The following CDX1 variants were observed in gnomAD, a reference collection of about 807,000 sequenced individuals.
The protein encoded by CDX1 is caudal type homeobox 1.
A neutral mutation model predicts 16.9 loss-of-function variants in CDX1; 9 were observed. The observed-to-expected ratio is 0.53, with a 90% CI of 0.32 to 0.93. The LOEUF is 0.93. CDX1 is among the 40% of genes least tolerant of loss of function. The pLI is 0.04. For synonymous variants in CDX1, 179 were observed against 179.0 expected, an observed-to-expected ratio of 1.00 and a Z score of 0.00; for missense variants, 393 against 386.1, an observed-to-expected ratio of 1.02 and a Z score of -0.15.
At chr5:150,178,044 T>C (rs1029351944) in intron 1 of CDX1, among the ~76,000 whole-genome samples, 5 of 152,190 alleles carry the variant, frequency 3.3e-5, no homozygotes, top group African/African-American at 1.2e-4. Flanking sequence ...TGGAAAACTA[T>C]TCAAGTACCA....
chr5:150,170,338 C>T (rs901250587), intron 1 of CDX1, among the ~76,000 whole-genome samples: 2 of 152,256 alleles, frequency 1.3e-5, no homozygotes, highest in African/African-American at 4.8e-5. Context: ...TTCCAATCTA[C>T]TCACTTCCTT....
intron 1 of CDX1, among the ~76,000 whole-genome samples, chr5:150,178,985 G>A (rs1348523675): frequency 2.6e-5 from 4 of 151,984 alleles, no homozygotes. Flanking sequence ...GCTTGTACAC[G>A]TGTACATTGT....
chr5:150,171,628 G>A (rs1048421252), intron 1 of CDX1, among the ~76,000 whole-genome samples: 1 of 152,226 alleles, frequency 6.6e-6, no homozygotes, highest in African/African-American at 2.4e-5. Flanking sequence ...GAGCCACCGT[G>A]TCCGGCCTTT....
intron 1 of CDX1, among the ~76,000 whole-genome samples, chr5:150,172,439 A>G (rs1157100662): frequency 2.0e-5 from 3 of 152,118 alleles, no homozygotes; most frequent in African/African-American, 4.8e-5. Context: ...TACTCATTTT[A>G]TAGATCAGGA....
In CDX1 at chr5:150,183,564, G is replaced by C; in HGVS notation, c.682G>C (p.Ala228Pro). The C allele has an allele frequency of 6.2e-7, 1 of 1,611,970 alleles. No homozygotes were observed. The highest frequency in any genetic ancestry group is 2.2e-5 in the East Asian group (1 of 44,836). Residue 228 changes from alanine to proline, a missense_variant, in exon 3 of 3, where the codon GCC becomes CCC. Ala to Pro is a conservative substitution (Grantham distance 27, BLOSUM62 -1). Coordinates refer to ENST00000231656, the MANE Select transcript of CDX1 (RefSeq NM_001804.3). ...QQQQPPQPPM[A>P]HDITATPAGP... ...GCAACAGCCCCCACAGCCGCCGATG[G>C]CCCACGACATCACGGCCACCCCAGC...
chr5:150,182,234 G>A (rs1379078351), intron 1 of CDX1, among the ~76,000 whole-genome samples: 2 of 152,198 alleles, frequency 1.3e-5, no homozygotes, highest in Admixed American at 6.5e-5. Context: ...TTGCCTGCCC[G>A]ATATCCCCTC....
intron 1 of CDX1, among the ~76,000 whole-genome samples, chr5:150,171,690 C>A (rs1221591957): frequency 1.3e-5 from 2 of 152,188 alleles, no homozygotes; most frequent in African/African-American, 4.8e-5. Flanking sequence ...GCAATCAGAG[C>A]CTTCTTGAGA....
intron 1 of CDX1, among the ~76,000 whole-genome samples, chr5:150,170,174 T>A (rs1052818892): frequency 5.9e-5 from 9 of 152,222 alleles, no homozygotes; most frequent in African/African-American, 1.9e-4. Flanking sequence ...CCAGGAAAGC[T>A]CTTTCCCCTG....
chr5:150,182,893 C>A lies in CDX1; in HGVS notation c.571C>A (p.Leu191Met). 6.2e-7 allele frequency: 1 copy of A among 1,610,294 alleles called. No individual in the cohort carries two copies. ...IRRKSELAAN[L>M]GLTERQVKIW... Reference sequence around the variant, plus strand: ...GCGGAAATCAGAGCTGGCTGCCAATCTGGGGCTCACTGAACGGCAGGTGTG... The same window carrying A: ...GCGGAAATCAGAGCTGGCTGCCAATATGGGGCTCACTGAACGGCAGGTGTG... The change falls in exon 2 of 3, where the codon CTG (leucine) becomes ATG (methionine). Residue 191 changes from leucine to methionine, a missense_variant. By Grantham distance (15) the Leu-to-Met change is conservative. Transcript: ENST00000231656.
At chr5:150,180,154 G>A (rs1761623870) in intron 1 of CDX1, among the ~76,000 whole-genome samples, 1 of 152,260 alleles carries the variant, frequency 6.6e-6, no homozygotes, top group African/African-American at 2.4e-5. Flanking sequence ...CAATGGGTCT[G>A]TGGATTCAGA....
At chr5:150,171,398 C>T (rs1393926312) in intron 1 of CDX1, among the ~76,000 whole-genome samples, 2 of 152,220 alleles carry the variant, frequency 1.3e-5, no homozygotes, top group East Asian at 1.9e-4. Context: ...TACAGTGGTG[C>T]GATCTCGGCT....
chr5:150,176,150 A>AGCTGGC (rs1761566161), intron 1 of CDX1, among the ~76,000 whole-genome samples: 1 of 152,120 alleles, frequency 6.6e-6, no homozygotes, highest in Non-Finnish European at 1.5e-5. Context: ...TAGGCCCCTC[A>AGCTGGC]CCAGAAGTGC....
intron 1 of CDX1, among the ~76,000 whole-genome samples, chr5:150,177,326 A>C (rs1156941273): frequency 1.3e-5 from 2 of 152,264 alleles, no homozygotes; most frequent in Non-Finnish European, 2.9e-5. Context: ...GGTCATTTCT[A>C]GCAGACCGCC....
At chr5:150,168,343 C>G (rs1273514637) in intron 1 of CDX1, among the ~76,000 whole-genome samples, 1 of 152,234 alleles carries the variant, frequency 6.6e-6, no homozygotes, top group Admixed American at 6.5e-5. Context: ...CAGCTTGCCT[C>G]GGGGCAGATG....
At chr5:150,182,936 G>C in intron 2 of CDX1, 23 bp downstream of exon 2, 1 of 1,592,562 alleles carries the variant, frequency 6.3e-7, no homozygotes, top group South Asian at 1.2e-5. Flanking sequence ...TCCTATCTCA[G>C]CCATAGGAGC....
rs182203428 is a variant in CDX1, at chr5:150,181,682, C to T, written c.446-1086C>T. ...ATTTAAAATCACAGACCACCTCCTCCCTAAATTCCCAGTCCTCCTTCCCTG... is the reference window on the plus strand; with the variant it reads ...ATTTAAAATCACAGACCACCTCCTCTCTAAATTCCCAGTCCTCCTTCCCTG... On this transcript the variant is annotated intron_variant, in intron 1 of 2. Transcript: ENST00000231656. Among the ~76,000 whole-genome samples, 286 of 152,360 alleles carry T rather than the reference C, an allele frequency of 1.9e-3. 1 individual carries two copies. The highest frequency in any genetic ancestry group is 6.7e-3 in the African/African-American group (279 of 41,586).
intron 1 of CDX1, among the ~76,000 whole-genome samples, chr5:150,170,355 G>T (rs1331798585): frequency 2.6e-5 from 4 of 152,150 alleles, no homozygotes; most frequent in Non-Finnish European, 4.4e-5. Flanking sequence ...CCTTACACTT[G>T]TTTGTATGTT....
At position 150,183,577 on chromosome 5, in the gene CDX1, C is replaced by T. The variant is rs374797163; in HGVS notation, c.695C>T (p.Thr232Met). Reference protein sequence around the residue: ...PPQPPMAHDITATPAGPSLGG... With the variant: ...PPQPPMAHDIMATPAGPSLGG... ...CAGCCGCCGATGGCCCACGACATCA[C>T]GGCCACCCCAGCCGGGCCATCCCTG... Residue 232 changes from threonine to methionine, a missense_variant, in exon 3 of 3, where the codon ACG becomes ATG. Thr to Met is a moderately conservative substitution (Grantham distance 81). Transcript: ENST00000231656. 1.6e-5 allele frequency: 26 copies of T among 1,610,780 alleles called. No homozygotes were observed. The highest frequency in any genetic ancestry group is 3.3e-4 in the Middle Eastern group (2 of 6,066).
intron 1 of CDX1, among the ~76,000 whole-genome samples, chr5:150,180,381 T>C (rs973795934): frequency 6.6e-6 from 1 of 152,128 alleles, no homozygotes; most frequent in Non-Finnish European, 1.5e-5. Context: ...TCCAGTGTGG[T>C]TCCTCTGCTC....
Sources: allele counts gnomAD v4.1 joint callset (sites outside exome capture counted in the v4.1 genomes callset), GRCh38; gene constraint gnomAD v4.1.1; transcripts MANE v1.5; gene names NCBI Gene and HGNC (gene_info 2026-07-23, HGNC 2026-07-21).